The following PTBP3 variants were observed in gnomAD, a reference collection of about 807,000 sequenced individuals.
PTBP3 encodes the protein polypyrimidine tract-binding protein 3.
In PTBP3, 20 loss-of-function variants were observed where a neutral mutation model predicts 58.7. That is an observed-to-expected ratio of 0.34 (90% confidence interval 0.24 to 0.50). PTBP3 has a LOEUF of 0.50. Ranked by LOEUF, PTBP3 falls within the 20% of genes least tolerant of loss-of-function variation. The pLI is 0.98. For missense variants in PTBP3, 509 were observed against 637.2 expected, an observed-to-expected ratio of 0.80 and a Z score of 2.17; for synonymous variants, 185 against 219.8, an observed-to-expected ratio of 0.84 and a Z score of 1.40.
chr9:112,346,572 T>A, the PTBP3 span, among the ~76,000 whole-genome samples: 1 of 152,240 alleles, frequency 6.6e-6, no homozygotes, highest in Non-Finnish European at 1.5e-5. Flanking sequence ...CATACCCATA[T>A]ACAATGAGCA....
rs1015930711 is a variant in PTBP3, at chr9:112,219,184, C to G, written c.*4667G>C. On this transcript the variant is annotated 3_prime_UTR_variant, in exon 14 of 14. Transcript: ENST00000374257. ...CACAACAGTCAGTCTTTGGTCAGAG[C>G]AATGAGGTGACACTTTGATGCAAAA... 1 of 152,524 alleles carries G rather than the reference C, an allele frequency of 6.6e-6. No individual in the cohort carries two copies. The highest frequency in any genetic ancestry group is 1.5e-5 in the Non-Finnish European group (1 of 68,018). 9.4% of individuals were successfully genotyped at this position (152,524 alleles called of 1,614,324 possible).
At chr9:112,241,967 T>G (rs1394041544) in intron 7 of PTBP3, among the ~76,000 whole-genome samples, 1 of 152,328 alleles carries the variant, frequency 6.6e-6, no homozygotes, top group East Asian at 1.9e-4. Flanking sequence ...ATCACTACTT[T>G]ATTCCTTTTT....
chr9:112,258,261 T>C (rs569279626), intron 5 of PTBP3, among the ~76,000 whole-genome samples: 133 of 152,342 alleles, frequency 8.7e-4, no homozygotes, highest in Non-Finnish European at 1.7e-3. Flanking sequence ...GAGCTACTTC[T>C]TTCATGCACA....
At chr9:112,295,205 C>T (rs1477890015) in intron 2 of PTBP3, among the ~76,000 whole-genome samples, 6 of 150,640 alleles carry the variant, frequency 4.0e-5, no homozygotes, top group Non-Finnish European at 8.8e-5. Context: ...CGCCACTGCA[C>T]TCCAGCCTGG....
chr9:112,353,851 G>A, the PTBP3 span, among the ~76,000 whole-genome samples: 3 of 151,858 alleles, frequency 2.0e-5, no homozygotes, highest in South Asian at 2.1e-4. Flanking sequence ...CCAGCTAATC[G>A]GAAGGCTGAG....
chr9:112,351,285 G>A, the PTBP3 span, among the ~76,000 whole-genome samples: 1 of 152,266 alleles, frequency 6.6e-6, no homozygotes, highest in African/African-American at 2.4e-5. Context: ...TACTGCTCAA[G>A]TATTTTATGG....
the PTBP3 span, among the ~76,000 whole-genome samples, chr9:112,376,541 C>T: frequency 2.0e-5 from 3 of 151,908 alleles, no homozygotes; most frequent in South Asian, 2.1e-4. Context: ...CATAAGCCAC[C>T]GCGCCCAGCC....
At chr9:112,289,429 C>T (rs962273757) in intron 2 of PTBP3, among the ~76,000 whole-genome samples, 1 of 151,760 alleles carries the variant, frequency 6.6e-6, no homozygotes. Context: ...AAAAAAAAAA[C>T]CTAGCTATTT....
At chr9:112,276,968 G>A (rs115164856) in intron 2 of PTBP3, among the ~76,000 whole-genome samples, 125 of 152,118 alleles carry the variant, frequency 8.2e-4, no homozygotes, top group African/African-American at 2.8e-3. Flanking sequence ...GCCACTACTC[G>A]GAGAAAAACA....
At chr9:112,232,494 A>C (rs527294766) in intron 8 of PTBP3, among the ~76,000 whole-genome samples, 1 of 152,302 alleles carries the variant, frequency 6.6e-6, no homozygotes, top group East Asian at 1.9e-4. Flanking sequence ...CACTGGGCCT[A>C]ACGCTATTAG....
the PTBP3 span, among the ~76,000 whole-genome samples, chr9:112,368,104 C>T: frequency 6.6e-6 from 1 of 152,288 alleles, no homozygotes; most frequent in Non-Finnish European, 1.5e-5. Context: ...AAGCAATCCT[C>T]CCACCTCAGC....
chr9:112,320,316 T>TATATATATATATATATATATA (rs61624494), intron 1 of PTBP3, among the ~76,000 whole-genome samples: 5 of 31,584 alleles, frequency 1.6e-4, no homozygotes, highest in African/African-American at 6.1e-4. Context: ...ATATATATAT[T>TATATATATATATATATATATA]TTTTTTTAAG....
At chr9:112,325,123 C>A (rs1830103540) in intron 1 of PTBP3, among the ~76,000 whole-genome samples, 1 of 152,100 alleles carries the variant, frequency 6.6e-6, no homozygotes. Context: ...TTTTTAAATA[C>A]TGTTATATAT....
At chr9:112,318,217 T>G (rs1489859951) in intron 1 of PTBP3, among the ~76,000 whole-genome samples, 4 of 152,006 alleles carry the variant, frequency 2.6e-5, no homozygotes, top group Non-Finnish European at 5.9e-5. Flanking sequence ...TCACCCAGAT[T>G]AGAAAAGAAT....
chr9:112,379,844 A>ATG, the PTBP3 span: 1 of 507,080 alleles, frequency 2.0e-6, no homozygotes, highest in South Asian at 2.4e-5. Flanking sequence ...CCCAGACGCT[A>ATG]GGCGCCGACA....
chr9:112,287,271 A>G (rs1033162704), intron 2 of PTBP3, among the ~76,000 whole-genome samples: 3 of 144,222 alleles, frequency 2.1e-5, no homozygotes, highest in Non-Finnish European at 3.0e-5. Context: ...AGTTATACAT[A>G]TGTGTGTTTA....
At chr9:112,314,759 T>C (rs1317995331) in intron 1 of PTBP3, among the ~76,000 whole-genome samples, 3 of 152,016 alleles carry the variant, frequency 2.0e-5, no homozygotes, top group Non-Finnish European at 4.4e-5. Flanking sequence ...TCAATATTTC[T>C]CTTCTCTTTA....
intron 1 of PTBP3, among the ~76,000 whole-genome samples, chr9:112,307,024 AATG>A (rs1390479573): frequency 6.6e-6 from 1 of 152,250 alleles, no homozygotes; most frequent in Non-Finnish European, 1.5e-5. Flanking sequence ...ATTCTATTTC[AATG>A]ATATTAGGAA....
rs547084723 is a variant in PTBP3, at chr9:112,220,947, G to A, written c.*2904C>T. The A allele has an allele frequency of 2.1e-6, 2 of 963,962 alleles. No individual in the cohort carries two copies. The highest frequency in any genetic ancestry group is 3.5e-5 in the African/African-American group (2 of 56,782). The allele number at this position is 963,962 out of a possible 1,614,324, so 59.7% of individuals were successfully genotyped here. A position where few individuals can be genotyped will look rare whatever the true frequency, so the allele number is the denominator to read the frequency against. ...CATTGCTAGAAGATACTGAATAAAT[G>A]CATGCCAAAACAGAGATACACAGAT... is the stretch of plus-strand genomic sequence containing the variant. On this transcript the variant is annotated 3_prime_UTR_variant, in exon 14 of 14. Coordinates refer to ENST00000374257, the MANE Select transcript of PTBP3 (RefSeq NM_001163788.4).
Sources: gnomAD v4.1 joint callset for allele counts (sites outside exome capture counted in the v4.1 genomes callset) on GRCh38, gnomAD v4.1.1 for gene constraint, MANE v1.5 for transcripts, NCBI Gene and HGNC (gene_info 2026-07-23, HGNC 2026-07-21) for gene names.